Variants in ARHGAP24 observed in about 807,000 individuals in gnomAD.
ARHGAP24 encodes rho GTPase-activating protein 24.
In ARHGAP24, 50 loss-of-function variants were observed where a neutral mutation model predicts 76.4. The observed-to-expected ratio is 0.65, with a 90% CI of 0.52 to 0.83. The LOEUF (loss-of-function observed/expected upper bound fraction) is 0.83. Ranked by LOEUF, ARHGAP24 falls within the 40% of genes least tolerant of loss-of-function variation. The pLI, the probability that ARHGAP24 is intolerant of heterozygous loss-of-function variation, is 0.00. For synonymous variants in ARHGAP24, 345 were observed against 323.3 expected, an observed-to-expected ratio of 1.07 and a Z score of -0.72; for missense variants, 930 against 914.2, an observed-to-expected ratio of 1.02 and a Z score of -0.22.
At chr4:85,915,880 TAC>T (rs1331346398) in intron 3 of ARHGAP24, among the ~76,000 whole-genome samples, 2 of 152,204 alleles carry the variant, frequency 1.3e-5, no homozygotes, top group Non-Finnish European at 2.9e-5. Context: ...GCAGTAAACA[TAC>T]GTGTGCATGT....
chr4:85,798,164 G>T (rs951393866), intron 3 of ARHGAP24, among the ~76,000 whole-genome samples: 3 of 152,034 alleles, frequency 2.0e-5, no homozygotes, highest in Non-Finnish European at 4.4e-5. Context: ...AATGATGAGG[G>T]GCCCCATCTA....
At chr4:85,570,282 T>C (rs1022589558) in intron 1 of ARHGAP24, among the ~76,000 whole-genome samples, 3 of 152,096 alleles carry the variant, frequency 2.0e-5, no homozygotes, top group African/African-American at 7.2e-5. Flanking sequence ...CCTTCCCCTT[T>C]CCTTACCTTT....
intron 1 of ARHGAP24, among the ~76,000 whole-genome samples, chr4:85,568,778 AG>A (rs1169435179): frequency 3.3e-5 from 5 of 152,222 alleles, no homozygotes; most frequent in Non-Finnish European, 7.3e-5. Context: ...AAGAAAGGAA[AG>A]AAGTGCGTAT....
At chr4:85,886,865 G>A (rs1733595984) in intron 3 of ARHGAP24, among the ~76,000 whole-genome samples, 1 of 151,988 alleles carries the variant, frequency 6.6e-6, no homozygotes, top group Admixed American at 6.6e-5. Flanking sequence ...GACTCACATG[G>A]GCAATGTATT....
At chr4:85,703,897 C>A (rs1034766830) in intron 2 of ARHGAP24, among the ~76,000 whole-genome samples, 2 of 152,026 alleles carry the variant, frequency 1.3e-5, no homozygotes, top group Non-Finnish European at 2.9e-5. Context: ...AGTTATGCTA[C>A]CCCCAAAAAA....
At chr4:85,997,282 A>ATAGG (rs745600115) in intron 9 of ARHGAP24, among the ~76,000 whole-genome samples, 22 of 151,628 alleles carry the variant, frequency 1.5e-4, no homozygotes, top group South Asian at 6.3e-4. Flanking sequence ...AGGTAGGTAA[A>ATAGG]TAGGTAGGTA....
chr4:85,588,829 G>A (rs1727970203), intron 2 of ARHGAP24, among the ~76,000 whole-genome samples: 1 of 152,176 alleles, frequency 6.6e-6, no homozygotes, highest in South Asian at 2.1e-4. Flanking sequence ...TGCATAGGAA[G>A]AGTATGAAGA....
intron 3 of ARHGAP24, among the ~76,000 whole-genome samples, chr4:85,905,972 G>A (rs2148794860): frequency 6.6e-6 from 1 of 152,228 alleles, no homozygotes; most frequent in African/African-American, 2.4e-5. Context: ...AAAACCATCA[G>A]CTCATTTTTT....
chr4:85,870,539 T>C (rs997009521), intron 3 of ARHGAP24, among the ~76,000 whole-genome samples: 8 of 152,202 alleles, frequency 5.3e-5, no homozygotes, highest in African/African-American at 1.9e-4. Flanking sequence ...TTTATATGAG[T>C]TAACCTTTTC....
chr4:85,497,744 C>G (rs1723635496), intron 1 of ARHGAP24, among the ~76,000 whole-genome samples: 1 of 152,074 alleles, frequency 6.6e-6, no homozygotes, highest in Non-Finnish European at 1.5e-5. Context: ...TGCTTGAACC[C>G]AGGAGGTGGA....
chr4:85,763,853 A>C (rs1726827512), intron 3 of ARHGAP24, among the ~76,000 whole-genome samples: 1 of 152,198 alleles, frequency 6.6e-6, no homozygotes, highest in South Asian at 2.1e-4. Flanking sequence ...CCAGGCATAC[A>C]AGAACTAGAG....
At chr4:85,724,411 A>G (rs1401427235) in intron 3 of ARHGAP24, among the ~76,000 whole-genome samples, 1 of 151,790 alleles carries the variant, frequency 6.6e-6, no homozygotes, top group Non-Finnish European at 1.5e-5. Flanking sequence ...CACTATATGC[A>G]TACGTACACA....
chr4:85,533,293 G>T (rs1725341550), intron 1 of ARHGAP24, among the ~76,000 whole-genome samples: 1 of 152,092 alleles, frequency 6.6e-6, no homozygotes, highest in African/African-American at 2.4e-5. Context: ...TGTTAATTTT[G>T]TCCATAAAGA....
At chr4:85,627,659 C>T (rs944029885) in intron 2 of ARHGAP24, among the ~76,000 whole-genome samples, 3 of 152,210 alleles carry the variant, frequency 2.0e-5, no homozygotes, top group African/African-American at 7.2e-5. Context: ...CTGTGCCCTG[C>T]CCCCAGAAGT....
At chr4:85,576,500 C>G (rs1025824178) in intron 2 of ARHGAP24, among the ~76,000 whole-genome samples, 4 of 151,770 alleles carry the variant, frequency 2.6e-5, no homozygotes, top group African/African-American at 9.7e-5. Flanking sequence ...ATCTAGAAAT[C>G]TCTAAGGCAA....
At chr4:85,609,584 G>A (rs1178994096) in intron 2 of ARHGAP24, among the ~76,000 whole-genome samples, 4 of 151,974 alleles carry the variant, frequency 2.6e-5, no homozygotes, top group African/African-American at 7.3e-5. Context: ...CTAACACAAG[G>A]GCTTCTTTGT....
intron 1 of ARHGAP24, among the ~76,000 whole-genome samples, chr4:85,551,087 G>A (rs1261556507): frequency 6.6e-6 from 1 of 152,154 alleles, no homozygotes; most frequent in Non-Finnish European, 1.5e-5. Flanking sequence ...TGGTGAGAGA[G>A]GGCATCCCTG....
In ARHGAP24 at chr4:85,982,059, C is replaced by A. The variant is rs72660151; in HGVS notation, c.928+4368C>A. 4.7e-3 allele frequency among the ~76,000 whole-genome samples: 710 copies of A among 151,624 alleles called. 4 individuals are homozygous for A. Among genetic ancestry groups the A allele is most frequent in the Non-Finnish European group, 6.0e-3 (405 of 67,944 alleles). ...ATGTATTTGGGGCTTTTGGGAGATACCCTGTCAGCTAGTTTTTTGGAAATG... is the reference window on the plus strand; with the variant it reads ...ATGTATTTGGGGCTTTTGGGAGATAACCTGTCAGCTAGTTTTTTGGAAATG... On this transcript the variant is annotated intron_variant, in intron 8 of 9. Coordinates refer to ENST00000395184, the MANE Select transcript of ARHGAP24 (RefSeq NM_001025616.3).
intron 4 of ARHGAP24, among the ~76,000 whole-genome samples, chr4:85,928,689 T>G (rs1736155937): frequency 6.6e-6 from 1 of 152,110 alleles, no homozygotes; most frequent in Admixed American, 6.5e-5. Flanking sequence ...CTCAAACTCC[T>G]GACCTCAGGT....
Sources: gnomAD v4.1 joint callset for allele counts (sites outside exome capture counted in the v4.1 genomes callset) on GRCh38, gnomAD v4.1.1 for gene constraint, MANE v1.5 for transcripts, NCBI Gene and HGNC (gene_info 2026-07-23, HGNC 2026-07-21) for gene names.